The following RCAN1 variants were observed in gnomAD, a reference collection of about 807,000 sequenced individuals.
The protein encoded by RCAN1 is calcipressin-1.
In RCAN1, 11 loss-of-function variants were observed where a neutral mutation model predicts 22.9. The ratio of observed to expected loss-of-function variants is 0.48; its 90% CI spans 0.30 to 0.79. The LOEUF (loss-of-function observed/expected upper bound fraction) is 0.79, where lower values mean the gene tolerates loss of function less well. Among genes scored for constraint, RCAN1 ranks in the 30% least tolerant of loss-of-function variants. The pLI is 0.06. For missense variants in RCAN1, 291 were observed against 337.8 expected, an observed-to-expected ratio of 0.86 and a Z score of 1.09; for synonymous variants, 136 against 142.3, an observed-to-expected ratio of 0.96 and a Z score of 0.32.
intron 1 of RCAN1, among the ~76,000 whole-genome samples, chr21:34,531,896 G>A (rs140967879): frequency 2.0e-5 from 3 of 151,892 alleles, no homozygotes; most frequent in Non-Finnish European, 4.4e-5. Flanking sequence ...AGCCAACAAT[G>A]ACCCCCCGTG....
At chr21:34,598,072 C>A (rs1354502801) in intron 1 of RCAN1, among the ~76,000 whole-genome samples, 1 of 152,108 alleles carries the variant, frequency 6.6e-6, no homozygotes, top group African/African-American at 2.4e-5. Flanking sequence ...ACCACAGGAA[C>A]CTAGGATGTA....
chr21:34,586,554 A>T (rs979436260), intron 1 of RCAN1, among the ~76,000 whole-genome samples: 1 of 152,246 alleles, frequency 6.6e-6, no homozygotes, highest in Admixed American at 6.5e-5. Flanking sequence ...ACTTAGAGGT[A>T]AATTTCTAGT....
intron 3 of RCAN1, among the ~76,000 whole-genome samples, chr21:34,520,788 A>G (rs1181391095): frequency 1.3e-5 from 2 of 152,220 alleles, no homozygotes; most frequent in African/African-American, 4.8e-5. Flanking sequence ...ACTGACTGTG[A>G]GCCAGGTGCT....
At chr21:34,599,320 T>C (rs1988260320) in intron 1 of RCAN1, among the ~76,000 whole-genome samples, 1 of 152,042 alleles carries the variant, frequency 6.6e-6, no homozygotes, top group Admixed American at 6.6e-5. Flanking sequence ...AAGAAGTGCA[T>C]TAAATTAGCT....
chr21:34,525,750 T>TA (rs1267429961), intron 1 of RCAN1: 3 of 168,418 alleles, frequency 1.8e-5, no homozygotes, highest in African/African-American at 7.1e-5. Context: ...CTACTTCATT[T>TA]AAAAAATAGT....
intron 1 of RCAN1, among the ~76,000 whole-genome samples, chr21:34,605,765 C>T (rs1018865587): frequency 5.3e-5 from 8 of 151,878 alleles, no homozygotes; most frequent in African/African-American, 1.9e-4. Context: ...ACTAAAAATA[C>T]AAAAATTAGC....
intron 1 of RCAN1, among the ~76,000 whole-genome samples, chr21:34,598,917 A>G (rs536660530): frequency 2.1e-4 from 32 of 152,358 alleles, no homozygotes; most frequent in African/African-American, 7.0e-4. Context: ...TTTGTTCCTA[A>G]TTAAGGAAAA....
At chr21:34,523,765 T>C in intron 1 of RCAN1, 55 bp from the exon 2 acceptor site, 1 of 1,411,892 alleles carries the variant, frequency 7.1e-7, no homozygotes, top group Non-Finnish European at 9.8e-7. Context: ...ATATGACCCT[T>C]GACTAGATGA....
At chr21:34,576,719 TA>T (rs1470259081) in intron 1 of RCAN1, among the ~76,000 whole-genome samples, 1 of 152,216 alleles carries the variant, frequency 6.6e-6, no homozygotes, top group African/African-American at 2.4e-5. Flanking sequence ...ACTGAGACTC[TA>T]ATCACCGCTC....
rs574843699 is a variant in RCAN1, at chr21:34,521,871, C to T, written c.427-213G>A. On this transcript the variant is annotated intron_variant, in intron 2 of 3. Transcript: ENST00000313806. The stretch of plus-strand genomic sequence containing the variant: ...GGCACAGATAGGATGACAGCCCCCT[C>T]CCAGGGCTATGGGAGTCACAGGCAC... 5 of 552,482 alleles carry T rather than the reference C, an allele frequency of 9.1e-6. No individual in the cohort carries two copies. The East Asian group carries it at 1.5e-4, about 17-fold the overall frequency. 34.2% of individuals were successfully genotyped at this position (552,482 alleles called of 1,614,324 possible).
At chr21:34,574,628 G>T (rs575171024) in intron 1 of RCAN1, among the ~76,000 whole-genome samples, 7 of 152,254 alleles carry the variant, frequency 4.6e-5, no homozygotes, top group Non-Finnish European at 1.0e-4. Context: ...AGCACACAAT[G>T]CGTCAAAAAA....
chr21:34,582,592 G>A lies in RCAN1; in HGVS notation c.252+32168C>T, dbSNP rs76455501. ...GTAGCCCAGCTGTGGTATTGGAGAC[G>A]CGAGGAGGAGCTGAATCTGGAGAGG... is the stretch of plus-strand genomic sequence containing the variant. On this transcript the variant is annotated intron_variant, in intron 1 of 3. Coordinates refer to ENST00000313806, the MANE Select transcript of RCAN1 (RefSeq NM_004414.7). 4.2e-3 allele frequency among the ~76,000 whole-genome samples: 645 copies of A among 152,292 alleles called. 6 individuals carry two copies. Among genetic ancestry groups the A allele is most frequent in the East Asian group, 0.036 (188 of 5,184 alleles).
At chr21:34,607,785 G>A (rs1332626776) in intron 1 of RCAN1, among the ~76,000 whole-genome samples, 2 of 152,202 alleles carry the variant, frequency 1.3e-5, no homozygotes, top group Non-Finnish European at 2.9e-5. Context: ...CCTATAGCAG[G>A]GATCGCCAAC....
At chr21:34,596,701 G>A (rs768585980) in intron 1 of RCAN1, among the ~76,000 whole-genome samples, 4 of 152,240 alleles carry the variant, frequency 2.6e-5, no homozygotes, top group Non-Finnish European at 2.9e-5. Flanking sequence ...TCCTGATGAT[G>A]TTGGAACACC....
chr21:34,531,430 G>T (rs902423408), intron 1 of RCAN1, among the ~76,000 whole-genome samples: 1 of 152,168 alleles, frequency 6.6e-6, no homozygotes, highest in African/African-American at 2.4e-5. Flanking sequence ...CAGGTCCACA[G>T]AAAGTCCTGT....
At chr21:34,530,016 C>T (rs1164645695) in intron 1 of RCAN1, among the ~76,000 whole-genome samples, 1 of 152,188 alleles carries the variant, frequency 6.6e-6, no homozygotes, top group Admixed American at 6.5e-5. Flanking sequence ...GCCTCCCCAG[C>T]CATGTGGAAC....
chr21:34,548,895 A>C (rs1011828801), intron 1 of RCAN1, among the ~76,000 whole-genome samples: 1 of 152,232 alleles, frequency 6.6e-6, no homozygotes, highest in African/African-American at 2.4e-5. Flanking sequence ...CAATTAGAGA[A>C]AAATGCCTAC....
chr21:34,604,004 C>T (rs751189434), intron 1 of RCAN1, among the ~76,000 whole-genome samples: 36 of 152,174 alleles, frequency 2.4e-4, no homozygotes, highest in Non-Finnish European at 5.0e-4. Flanking sequence ...TCAATAATTG[C>T]CATCATGACA....
chr21:34,553,389 T>C (rs957034266), intron 1 of RCAN1, among the ~76,000 whole-genome samples: 2 of 152,226 alleles, frequency 1.3e-5, no homozygotes, highest in African/African-American at 4.8e-5. Flanking sequence ...TGGATCAGTA[T>C]GCCACATGAT....
Sources: allele counts gnomAD v4.1 joint callset (sites outside exome capture counted in the v4.1 genomes callset), GRCh38; gene constraint gnomAD v4.1.1; transcripts MANE v1.5; gene names NCBI Gene and HGNC (gene_info 2026-07-23, HGNC 2026-07-21).